ASB15: variants seen among roughly 807,000 people sequenced by gnomAD.
The protein encoded by ASB15 is ankyrin repeat and SOCS box containing 15, also known as ankyrin repeat and SOCS box protein 15.
A neutral mutation model predicts 58.0 loss-of-function variants in ASB15; 54 were observed. The observed-to-expected ratio is 0.93, with a 90% confidence interval of 0.75 to 1.17. The LOEUF (loss-of-function observed/expected upper bound fraction) is 1.17. ASB15 is among the 50% of genes most tolerant of loss of function. The probability of loss-of-function intolerance (pLI) is 0.00; values close to 1 mark genes in which losing one functional copy is unlikely to be tolerated. For missense variants in ASB15, 680 were observed against 707.4 expected (o/e 0.96, Z 0.44); for synonymous variants, 249 against 262.4 (o/e 0.95, Z 0.50).
chr7:123,627,058 T>C, intron 8 of ASB15, 52 bp from the exon 9 acceptor site: 2 of 1,535,616 alleles, frequency 1.3e-6, no homozygotes, highest in South Asian at 1.2e-5. Context: ...TTTAAGGGGA[T>C]TGTTTAAACA....
At chr7:123,570,006 A>G (rs181556569) in intron 1 of ASB15, among the ~76,000 whole-genome samples, 40 of 150,970 alleles carry the variant, frequency 2.6e-4, no homozygotes, top group Admixed American at 1.6e-3. Flanking sequence ...AACAATACCT[A>G]AAGTTTACAA....
chr7:123,589,069 T>C (rs1799456708), intron 1 of ASB15, among the ~76,000 whole-genome samples: 1 of 151,856 alleles, frequency 6.6e-6, no homozygotes, highest in South Asian at 2.1e-4. Flanking sequence ...GTTAGGTTCA[T>C]TTAGTCTAAA....
chr7:123,620,431 C>G (rs1160515325), intron 7 of ASB15: 62 of 142,034 alleles, frequency 4.4e-4, no homozygotes, highest in Non-Finnish European at 7.5e-4. Flanking sequence ...TTTTCCTGAG[C>G]AGGCTCTACA....
intron 1 of ASB15, among the ~76,000 whole-genome samples, chr7:123,595,462 C>G (rs1184712899): frequency 1.3e-5 from 2 of 152,196 alleles, no homozygotes; most frequent in Non-Finnish European, 1.5e-5. Flanking sequence ...GATGTGTTCC[C>G]TCTCAGACTA....
At chr7:123,605,631 T>C (rs1038156763) in intron 2 of ASB15, among the ~76,000 whole-genome samples, 7 of 152,174 alleles carry the variant, frequency 4.6e-5, no homozygotes, top group African/African-American at 1.7e-4. Flanking sequence ...AAGATAATGT[T>C]GTACGTATAC....
chr7:123,635,801 A>C (rs1229217721), intron 11 of ASB15, among the ~76,000 whole-genome samples: 1 of 151,976 alleles, frequency 6.6e-6, no homozygotes, highest in Non-Finnish European at 1.5e-5. Context: ...GTTAGGAAAA[A>C]AAAAAATTGT....
intron 3 of ASB15, among the ~76,000 whole-genome samples, chr7:123,613,073 A>G (rs1282649064): frequency 6.6e-6 from 1 of 152,000 alleles, no homozygotes; most frequent in Non-Finnish European, 1.5e-5. Context: ...CATTAGCACT[A>G]TTCTATACCT....
chr7:123,625,537 G>A (rs985618203), intron 8 of ASB15, among the ~76,000 whole-genome samples: 1 of 152,098 alleles, frequency 6.6e-6, no homozygotes, highest in African/African-American at 2.4e-5. Flanking sequence ...ATTCCCAAAC[G>A]TACCTTGCAG....
chr7:123,625,596 A>G lies in ASB15; in HGVS notation c.697+782A>G, dbSNP rs576541119. Among the ~76,000 whole-genome samples the G allele has an allele frequency of 1.4e-4, 21 of 152,244 alleles. No individual in the cohort carries two copies. In the East Asian group the frequency reaches 3.5e-3, roughly 25 times the overall value. On this transcript the variant is annotated intron_variant, in intron 8 of 11. Coordinates refer to ENST00000451215, the MANE Select transcript of ASB15 (RefSeq NM_001290258.2). The stretch of plus-strand genomic sequence containing the variant: ...TATCTCTTCAGCACAATTCAAAGTC[A>G]ATCTCTTGAGACACCTCCTCCCTAA...
intron 1 of ASB15, among the ~76,000 whole-genome samples, chr7:123,579,663 CCTT>C (rs1562909498): frequency 1.3e-5 from 2 of 152,036 alleles, no homozygotes; most frequent in African/African-American, 2.4e-5. Flanking sequence ...ATCTATAACT[CCTT>C]CTGCTCCTGG....
chr7:123,590,932 T>A (rs7800025), intron 1 of ASB15, among the ~76,000 whole-genome samples: 127 of 152,048 alleles, frequency 8.4e-4, no homozygotes, highest in African/African-American at 2.8e-3. Flanking sequence ...TATCGATGAG[T>A]ATGGAATGTT....
intron 11 of ASB15, among the ~76,000 whole-genome samples, chr7:123,636,574 A>T (rs543905574): frequency 6.6e-6 from 1 of 152,230 alleles, no homozygotes; most frequent in Non-Finnish European, 1.5e-5. Flanking sequence ...CATGAGCCAG[A>T]CTCTCTTCCT....
Position 123,637,001 on chromosome 7 carries a change from A to G in ASB15, c.*20A>G, listed in dbSNP as rs1562945697. On this transcript the variant is annotated 3_prime_UTR_variant, in exon 12 of 12. Transcript: ENST00000451215. ...ACATAACTTAATATTTTAAAATGTGATTTAAAAAAAATGTTGAAATGTGAT... is the reference window on the plus strand; with the variant it reads ...ACATAACTTAATATTTTAAAATGTGGTTTAAAAAAAATGTTGAAATGTGAT... 1 of 1,453,848 alleles carries G rather than the reference A, an allele frequency of 6.9e-7. No homozygotes were observed. The highest frequency in any genetic ancestry group is 2.0e-5 in the Admixed American group (1 of 48,966). The allele number at this position is 1,453,848 out of a possible 1,614,324, so 90.1% of individuals were successfully genotyped here. A position where few individuals can be genotyped will look rare whatever the true frequency, so the allele number is the denominator to read the frequency against.
At chr7:123,581,982 G>A (rs1799247464) in intron 1 of ASB15, among the ~76,000 whole-genome samples, 1 of 151,906 alleles carries the variant, frequency 6.6e-6, no homozygotes, top group South Asian at 2.1e-4. Flanking sequence ...ATGAATTCTG[G>A]GGCAGAAATT....
chr7:123,579,516 A>G (rs1446100299), intron 1 of ASB15, among the ~76,000 whole-genome samples: 1 of 152,074 alleles, frequency 6.6e-6, no homozygotes, highest in Non-Finnish European at 1.5e-5. Flanking sequence ...TACCATGAAG[A>G]GTTGTTCTGA....
chr7:123,574,643 C>T (rs1237426864), intron 1 of ASB15, among the ~76,000 whole-genome samples: 2 of 152,120 alleles, frequency 1.3e-5, no homozygotes, highest in Non-Finnish European at 2.9e-5. Context: ...TTGAGGCCCT[C>T]TAACATTGAA....
At chr7:123,622,833 A>G (rs1018152641) in intron 7 of ASB15, 2 of 152,182 alleles carry the variant, frequency 1.3e-5, no homozygotes, top group Non-Finnish European at 2.9e-5. Flanking sequence ...AGAGAGAGGC[A>G]TTTGTCAACA....
At chr7:123,600,245 T>C (rs1369896148), upstream of ASB15, among the ~76,000 whole-genome samples, 1 of 152,206 alleles carries the variant, frequency 6.6e-6, no homozygotes, top group Non-Finnish European at 1.5e-5. Flanking sequence ...ATGTCTTCAG[T>C]AACAGGCTCT....
intron 1 of ASB15, among the ~76,000 whole-genome samples, chr7:123,584,381 A>G (rs1799319205): frequency 6.6e-6 from 1 of 151,688 alleles, no homozygotes; most frequent in South Asian, 2.1e-4. Context: ...AAATTAGAGT[A>G]TCTGAGGGAG....
Sources: gnomAD v4.1 joint callset for allele counts (sites outside exome capture counted in the v4.1 genomes callset) on GRCh38, gnomAD v4.1.1 for gene constraint, MANE v1.5 for transcripts, NCBI Gene and HGNC (gene_info 2026-07-23, HGNC 2026-07-21) for gene names.